The following MAGI1 variants were observed in gnomAD, a reference collection of about 807,000 sequenced individuals.
MAGI1 encodes membrane-associated guanylate kinase, WW and PDZ domain-containing protein 1.
A neutral mutation model predicts 139.9 loss-of-function variants in MAGI1; 58 were observed. The ratio of observed to expected loss-of-function variants is 0.41; its 90% CI spans 0.34 to 0.52. The LOEUF (loss-of-function observed/expected upper bound fraction) is 0.52, where lower values mean the gene tolerates loss of function less well. Among genes scored for constraint, MAGI1 ranks in the 20% least tolerant of loss-of-function variants. MAGI1 has a pLI of 0.12. For missense variants in MAGI1, 1,874 were observed against 1,901.6 expected, an observed-to-expected ratio of 0.99 and a Z score of 0.27; for synonymous variants, 812 against 737.9, an observed-to-expected ratio of 1.10 and a Z score of -1.63.
chr3:65,478,459 G>A, intron 4 of MAGI1, 133 bp downstream of exon 4: 2 of 774,182 alleles, frequency 2.6e-6, no homozygotes, highest in Non-Finnish European at 4.5e-6. Context: ...CAAGCACTGT[G>A]TGGTCCAAGT....
intron 1 of MAGI1, among the ~76,000 whole-genome samples, chr3:65,984,412 G>A (rs1177216608): frequency 2.0e-5 from 3 of 151,924 alleles, no homozygotes; most frequent in Non-Finnish European, 2.9e-5. Flanking sequence ...GTTGATACTG[G>A]GATGTAAGTG....
chr3:65,710,793 G>T (rs568168060), intron 1 of MAGI1, among the ~76,000 whole-genome samples: 18 of 152,260 alleles, frequency 1.2e-4, no homozygotes, highest in African/African-American at 4.1e-4. Flanking sequence ...CCAGTGTCCA[G>T]TTCAGCACTT....
intron 1 of MAGI1, among the ~76,000 whole-genome samples, chr3:65,963,754 ACAACACTCC>A (rs1167338622): frequency 6.7e-6 from 1 of 150,350 alleles, no homozygotes; most frequent in Non-Finnish European, 1.5e-5. Flanking sequence ...TTGAAATCGC[ACAACACTCC>A]CAAAACAGGA....
intron 1 of MAGI1, among the ~76,000 whole-genome samples, chr3:65,900,145 T>C (rs1435961505): frequency 2.6e-5 from 4 of 151,830 alleles, no homozygotes; most frequent in Admixed American, 2.6e-4. Context: ...GGACAAGAGA[T>C]AGGCAGTATA....
intron 1 of MAGI1, among the ~76,000 whole-genome samples, chr3:65,691,909 A>C (rs1576755231): frequency 6.6e-6 from 1 of 152,322 alleles, no homozygotes; most frequent in East Asian, 1.9e-4. Context: ...CACAAAACCT[A>C]AAATCCTGCT....
chr3:65,905,396 C>G (rs1444844427), intron 1 of MAGI1, among the ~76,000 whole-genome samples: 1 of 151,062 alleles, frequency 6.6e-6, no homozygotes, highest in Non-Finnish European at 1.5e-5. Context: ...CCTGGGCAAC[C>G]TAGTGAGACC....
At chr3:65,996,763 G>A (rs980002530) in intron 1 of MAGI1, among the ~76,000 whole-genome samples, 3 of 152,234 alleles carry the variant, frequency 2.0e-5, no homozygotes, top group African/African-American at 7.2e-5. Context: ...GACCATCGGA[G>A]GGCCGGGCAC....
chr3:65,684,682 T>A (rs925779373), intron 1 of MAGI1, among the ~76,000 whole-genome samples: 7 of 151,946 alleles, frequency 4.6e-5, no homozygotes, highest in African/African-American at 1.7e-4. Context: ...TGGGGAAATC[T>A]GACTACACTT....
rs766368662 is a variant in MAGI1 at position 65,383,634 on chromosome 3, G to A, written c.2417-11C>T. ...CCTGGTAATCTGGAACTGCAGAGAG[G>A]GGAGAAAAAAGAGAAGGATTATTTT... On this transcript the variant is annotated splice_polypyrimidine_tract_variant and intron_variant, in intron 14 of 22. Coordinates refer to ENST00000402939, the MANE Select transcript of MAGI1 (RefSeq NM_001033057.2). The A allele has an allele frequency of 2.9e-5, 45 of 1,543,198 alleles. No individual in the cohort carries two copies. The highest frequency in any genetic ancestry group is 3.9e-5 in the Non-Finnish European group (43 of 1,115,996).
rs560537050 is a variant in MAGI1, at chr3:65,981,422, T to C, written c.313+56574A>G. On this transcript the variant is annotated intron_variant, in intron 1 of 22. Transcript: ENST00000402939. Reference sequence around the variant, plus strand: ...CTTTGGAGTTATGCTGACTTCAGATTCTGATTCTGGTTTCTCAAATCCTGC... The same window carrying C: ...CTTTGGAGTTATGCTGACTTCAGATCCTGATTCTGGTTTCTCAAATCCTGC... Among the ~76,000 whole-genome samples, 5 of 152,336 alleles carry C rather than the reference T, an allele frequency of 3.3e-5. No individual in the cohort carries two copies. In the South Asian group the frequency reaches 6.2e-4, roughly 19 times the overall value.
At chr3:65,564,028 T>G (rs2080490233) in intron 2 of MAGI1, among the ~76,000 whole-genome samples, 1 of 152,164 alleles carries the variant, frequency 6.6e-6, no homozygotes, top group African/African-American at 2.4e-5. Flanking sequence ...TTCATGCAAC[T>G]GGAAACTGGG....
intron 1 of MAGI1, among the ~76,000 whole-genome samples, chr3:65,659,006 TG>T (rs1385081654): frequency 6.6e-6 from 1 of 152,208 alleles, no homozygotes; most frequent in East Asian, 1.9e-4. Context: ...CGGCTCCTCT[TG>T]TACGATAAAT....
chr3:65,951,012 GAA>G (rs879651356), intron 1 of MAGI1, among the ~76,000 whole-genome samples: 3,321 of 134,038 alleles, frequency 0.025, 263 homozygotes, highest in Non-Finnish European at 0.036. Flanking sequence ...AGGAAGGAAG[GAA>G]GGAAGGAAGG....
intron 2 of MAGI1, among the ~76,000 whole-genome samples, chr3:65,551,183 G>A (rs1256349066): frequency 1.3e-5 from 2 of 152,134 alleles, no homozygotes; most frequent in Non-Finnish European, 2.9e-5. Context: ...TTCTCCCTTC[G>A]CTTGCTTCTC....
chr3:65,454,417 A>G (rs1949244914), intron 5 of MAGI1, among the ~76,000 whole-genome samples: 1 of 151,376 alleles, frequency 6.6e-6, no homozygotes, highest in Admixed American at 6.6e-5. Flanking sequence ...GCATTGGGAG[A>G]TATTCCTAAT....
At chr3:65,941,048 A>G (rs931560010) in intron 1 of MAGI1, among the ~76,000 whole-genome samples, 12 of 152,196 alleles carry the variant, frequency 7.9e-5, no homozygotes, top group African/African-American at 2.7e-4. Context: ...ACAAAGAATT[A>G]TAATTATATT....
At chr3:65,875,816 T>C (rs1204645878) in intron 1 of MAGI1, among the ~76,000 whole-genome samples, 1 of 152,206 alleles carries the variant, frequency 6.6e-6, no homozygotes, top group East Asian at 1.9e-4. Flanking sequence ...CTGCTGTTCC[T>C]GTCTCAGCTC....
At chr3:65,957,893 C>T (rs2064213593) in intron 1 of MAGI1, among the ~76,000 whole-genome samples, 1 of 152,068 alleles carries the variant, frequency 6.6e-6, no homozygotes, top group Non-Finnish European at 1.5e-5. Context: ...CTCAGCCTCC[C>T]AAGTAGCTGA....
intron 11 of MAGI1, 30 bp downstream of exon 11, chr3:65,430,669 C>G: frequency 6.2e-7 from 1 of 1,605,304 alleles, no homozygotes; most frequent in Non-Finnish European, 8.5e-7. Context: ...TCTCACCACA[C>G]AGAACACACT....
Sources: gnomAD v4.1 joint callset for allele counts (sites outside exome capture counted in the v4.1 genomes callset) on GRCh38, gnomAD v4.1.1 for gene constraint, MANE v1.5 for transcripts, NCBI Gene and HGNC (gene_info 2026-07-23, HGNC 2026-07-21) for gene names.